Variants in LYRM4 observed in about 807,000 individuals in gnomAD.
LYRM4 encodes the protein LYR motif containing 4.
LYRM4 carries 9 observed loss-of-function variants against 11.7 expected under a neutral mutation model. The observed-to-expected ratio is 0.77, with a 90% confidence interval of 0.46 to 1.34. The LOEUF (loss-of-function observed/expected upper bound fraction) is 1.34, where lower values mean the gene tolerates loss of function less well. Ranked by LOEUF, LYRM4 falls within the 40% of genes most tolerant of loss-of-function variation. The pLI is 0.00. For missense variants in LYRM4, 133 were observed against 112.5 expected, an observed-to-expected ratio of 1.18 and a Z score of -0.82; for synonymous variants, 42 against 40.4, an observed-to-expected ratio of 1.04 and a Z score of -0.15.
intron 2 of LYRM4, chr6:5,138,685 T>C: frequency 6.6e-7 from 1 of 1,517,716 alleles, no homozygotes; most frequent in Non-Finnish European, 8.8e-7. Context: ...CAAGAAAATA[T>C]CAAGATGCAA....
Position 5,216,605 on chromosome 6 carries a change from T to C in LYRM4, c.207+13A>G. The C allele has an allele frequency of 6.2e-7, 1 of 1,613,896 alleles. No individual in the cohort carries two copies. Among genetic ancestry groups the C allele is most frequent in the South Asian group, 1.1e-5 (1 of 91,018 alleles). ...CTCTTAATGAAAAACAGTACATCAT[T>C]GAACCATCTTACCTGTCGACGAATT... On this transcript the variant is annotated intron_variant, in intron 2 of 2. Transcript: ENST00000330636.
chr6:5,168,028 T>G (rs1759191093), intron 2 of LYRM4, among the ~76,000 whole-genome samples: 2 of 151,014 alleles, frequency 1.3e-5, no homozygotes, highest in South Asian at 4.2e-4. Context: ...TGTGGGACAA[T>G]GTGAACATCA....
chr6:5,115,436 C>T lies in LYRM4; in HGVS notation c.208-5945G>A, dbSNP rs563311527. The stretch of plus-strand genomic sequence containing the variant: ...TGTGCTAAAGGCCGTATTCTCTATG[C>T]GGCGGCTAGAACAAGAACACGGGAT... On this transcript the variant is annotated intron_variant, in intron 2 of 2. Coordinates refer to ENST00000330636, the MANE Select transcript of LYRM4 (RefSeq NM_020408.6). 7.2e-4 allele frequency among the ~76,000 whole-genome samples: 109 copies of T among 152,294 alleles called. 1 individual carries two copies. Among genetic ancestry groups the T allele is most frequent in the African/African-American group, 2.5e-3 (104 of 41,556 alleles).
At chr6:5,051,714 C>T in the LYRM4 span, among the ~76,000 whole-genome samples, 2 of 152,056 alleles carry the variant, frequency 1.3e-5, no homozygotes, top group Non-Finnish European at 2.9e-5. Context: ...ATGCCTGTTG[C>T]TAGGTAATTT....
chr6:5,066,762 T>A, the LYRM4 span: 1 of 745,862 alleles, frequency 1.3e-6, no homozygotes, highest in Non-Finnish European at 2.4e-6. Flanking sequence ...ATTGGTTACG[T>A]AACGCTTAAA....
At chr6:5,100,147 C>T (rs890024230), downstream of LYRM4, among the ~76,000 whole-genome samples, 1 of 152,150 alleles carries the variant, frequency 6.6e-6, no homozygotes, top group African/African-American at 2.4e-5. Context: ...TTGCAGGCCT[C>T]AATATGGCTC....
chr6:5,179,065 C>CAAAAAAAAAACAAAAAAAAA (rs1759906477), intron 2 of LYRM4, among the ~76,000 whole-genome samples: 1 of 103,888 alleles, frequency 9.6e-6, no homozygotes, highest in Non-Finnish European at 1.9e-5. Flanking sequence ...ACCAAAAAAA[C>CAAAAAAAAAACAAAAAAAAA]AAAAAAAAAA....
chr6:5,039,162 A>G, the LYRM4 span, among the ~76,000 whole-genome samples: 1 of 152,166 alleles, frequency 6.6e-6, no homozygotes, highest in African/African-American at 2.4e-5. Context: ...CTTTAAAAAT[A>G]AATATGTAAC....
the LYRM4 span, among the ~76,000 whole-genome samples, chr6:5,053,076 A>G: frequency 6.6e-6 from 1 of 152,200 alleles, no homozygotes; most frequent in Non-Finnish European, 1.5e-5. Flanking sequence ...CCTTGGTGCT[A>G]TGTAGTACTT....
chr6:5,225,229 C>A (rs34786730), intron 1 of LYRM4, among the ~76,000 whole-genome samples: 6,975 of 120,744 alleles, frequency 0.058, 547 homozygotes, highest in African/African-American at 0.19. Context: ...GCCTGGGTGA[C>A]AGAGCAAGAC....
At chr6:5,159,071 C>T (rs773267939) in intron 2 of LYRM4, among the ~76,000 whole-genome samples, 12 of 152,108 alleles carry the variant, frequency 7.9e-5, no homozygotes, top group Admixed American at 1.3e-4. Flanking sequence ...CCATGGATTT[C>T]GGGGAAAGGC....
the LYRM4 span, among the ~76,000 whole-genome samples, chr6:5,093,129 C>T: frequency 2.6e-5 from 4 of 152,218 alleles, no homozygotes; most frequent in Admixed American, 6.5e-5. Context: ...CAAAAAACCC[C>T]ACCTGAACTA....
At chr6:5,061,620 T>C in the LYRM4 span, among the ~76,000 whole-genome samples, 1 of 152,204 alleles carries the variant, frequency 6.6e-6, no homozygotes, top group African/African-American at 2.4e-5. Flanking sequence ...TGAATCTAAC[T>C]ACCTGCATGG....
chr6:5,255,739 A>C (rs1012251983), intron 1 of LYRM4, among the ~76,000 whole-genome samples: 2 of 151,958 alleles, frequency 1.3e-5, no homozygotes, highest in Non-Finnish European at 2.9e-5. Flanking sequence ...GCATGACCAA[A>C]CTTTTGGGCC....
chr6:5,206,916 G>C (rs575008202), intron 2 of LYRM4, among the ~76,000 whole-genome samples: 2 of 151,944 alleles, frequency 1.3e-5, no homozygotes, highest in Non-Finnish European at 2.9e-5. Context: ...TTCATTACCA[G>C]ACTAGGGAAG....
intron 1 of LYRM4, among the ~76,000 whole-genome samples, chr6:5,241,733 A>T (rs1360491644): frequency 6.6e-6 from 1 of 152,242 alleles, no homozygotes; most frequent in Non-Finnish European, 1.5e-5. Flanking sequence ...GTGGAAGCTC[A>T]GTAAACATTT....
chr6:5,196,779 C>A, intron 2 of LYRM4, among the ~76,000 whole-genome samples: 1 of 152,168 alleles, frequency 6.6e-6, no homozygotes, highest in East Asian at 1.9e-4. Context: ...TCTTTTGTCT[C>A]TTGCTGTACA....
At chr6:5,145,603 C>G (rs1225924333) in intron 2 of LYRM4, among the ~76,000 whole-genome samples, 1 of 152,050 alleles carries the variant, frequency 6.6e-6, no homozygotes, top group Non-Finnish European at 1.5e-5. Flanking sequence ...AGGACCCCAG[C>G]CTTATGAGGA....
chr6:5,169,193 A>G (rs1426041442), intron 2 of LYRM4, among the ~76,000 whole-genome samples: 2 of 152,130 alleles, frequency 1.3e-5, no homozygotes, highest in South Asian at 2.1e-4. Flanking sequence ...CCTCTAGAGT[A>G]GCGGTGATTA....
Sources: gnomAD v4.1 joint callset for allele counts (sites outside exome capture counted in the v4.1 genomes callset) on GRCh38, gnomAD v4.1.1 for gene constraint, MANE v1.5 for transcripts, NCBI Gene and HGNC (gene_info 2026-07-23, HGNC 2026-07-21) for gene names.